Variants in EIF5B observed in about 807,000 individuals in gnomAD.
EIF5B encodes the protein eIF-5B.
A neutral mutation model predicts 147.5 loss-of-function variants in EIF5B; 47 were observed. The observed-to-expected ratio is 0.32, with a 90% CI of 0.25 to 0.41. The LOEUF is 0.41. Among genes scored for constraint, EIF5B ranks in the 10% least tolerant of loss-of-function variants. The pLI is 1.00. For missense variants in EIF5B, 1,064 were observed against 1,413.2 expected, an observed-to-expected ratio of 0.75 and a Z score of 3.96; for synonymous variants, 455 against 456.2, an observed-to-expected ratio of 1.00 and a Z score of 0.03.
Position 99,337,430 on chromosome 2 carries a change from G to T in EIF5B, c.-125G>T, listed in dbSNP as rs1574913149. Reference sequence around the variant, plus strand: ...GTTCCAGTGCGCGGGTCTGTGGAGAGCCGGGTGCGAGCGGCGGCAGCACGA... The same window carrying T: ...GTTCCAGTGCGCGGGTCTGTGGAGATCCGGGTGCGAGCGGCGGCAGCACGA... On this transcript the variant is annotated 5_prime_UTR_variant, in exon 1 of 24. Transcript: ENST00000289371. 3 of 1,231,842 alleles carry T rather than the reference G, an allele frequency of 2.4e-6. No individual in the cohort carries two copies. The East Asian group carries it at 7.6e-5, about 31-fold the overall frequency. The allele number at this position is 1,231,842 out of a possible 1,614,324, so 76.3% of individuals were successfully genotyped here. A position where few individuals can be genotyped will look rare whatever the true frequency, so the allele number is the denominator to read the frequency against.
At chr2:99,379,521 C>A in intron 12 of EIF5B, 93 bp downstream of exon 12, 1 of 927,244 alleles carries the variant, frequency 1.1e-6, no homozygotes, top group Non-Finnish European at 1.6e-6. Flanking sequence ...ACTAGGATAA[C>A]AGCTCCATAT....
At chr2:99,345,991 G>T (rs7569805) in intron 1 of EIF5B, among the ~76,000 whole-genome samples, 125,910 of 151,252 alleles carry the variant, frequency 0.83, 52,983 homozygotes, top group Middle Eastern at 0.98. Context: ...AAGGGAGTTT[G>T]CTGTTCTCAA....
rs892301944 is a variant in EIF5B, at chr2:99,393,112, A to C, written c.2880+14A>C. 4 of 1,511,764 alleles carry C rather than the reference A, an allele frequency of 2.6e-6. No homozygotes were observed. Among genetic ancestry groups the C allele is most frequent in the Admixed American group, 4.5e-5 (2 of 44,844 alleles). 93.6% of individuals were successfully genotyped at this position (1,511,764 alleles called of 1,614,324 possible). A position where few individuals can be genotyped will look rare whatever the true frequency, so the allele number is the denominator to read the frequency against. On this transcript the variant is annotated intron_variant, in intron 18 of 23. Coordinates refer to ENST00000289371, the MANE Select transcript of EIF5B (RefSeq NM_015904.4). ...CCTGTTCTTAAAGTAAGTTCATTTA[A>C]AAATTTTTTTCCTTAAAAGCTATTT...
At chr2:99,344,306 C>T (rs916919094) in intron 1 of EIF5B, among the ~76,000 whole-genome samples, 2 of 152,134 alleles carry the variant, frequency 1.3e-5, no homozygotes, top group African/African-American at 4.8e-5. Context: ...GTTCTGGCAC[C>T]CTTGTCAGAT....
At position 99,369,437 on chromosome 2, in the gene EIF5B, A is replaced by G. The variant is rs1674396160; in HGVS notation, c.1433A>G (p.Gln478Arg). The G allele has an allele frequency of 1.2e-6, 2 of 1,611,324 alleles. No individual in the cohort carries two copies. The highest frequency in any genetic ancestry group is 3.3e-5 in the Admixed American group (2 of 59,944). Residue 478 changes from glutamine (Q) to arginine (R), a missense_variant, in exon 8 of 24, where the codon CAA becomes CGA. By Grantham distance (43) the Gln-to-Arg change is conservative. Around this residue, in one of 4 missense-constraint regions of EIF5B, gnomAD observed 195 missense variants for 186.3 expected, o/e 1.05. Coordinates refer to ENST00000289371, the MANE Select transcript of EIF5B (RefSeq NM_015904.4). ...TGTGCTGCTGTAGAAGTTATGGAAC[A>G]AGGAGTACCAGAAAAGGAAGAGACA... ...ELCAAVEVME[Q>R]GVPEKEETPP...
chr2:99,382,304 A>T lies in EIF5B; in HGVS notation c.2129+78A>T, dbSNP rs1040264023. On this transcript the variant is annotated intron_variant, in intron 13 of 23. Transcript: ENST00000289371. ...GTCTAAAAGTTCAGCAGAGTCATTA[A>T]CCTTTGAGTAGTAATTTGATCTCTA... 6.8e-5 allele frequency: 83 copies of T among 1,213,350 alleles called. No homozygotes were observed. The African/African-American group carries it at 1.1e-3, about 16-fold the overall frequency. The allele number at this position is 1,213,350 out of a possible 1,614,324, so 75.2% of individuals were successfully genotyped here.
chr2:99,345,802 G>A (rs540930617), intron 1 of EIF5B, among the ~76,000 whole-genome samples: 1 of 152,030 alleles, frequency 6.6e-6, no homozygotes, highest in African/African-American at 2.4e-5. Flanking sequence ...AAATAGCTGA[G>A]TGTGGTGGTG....
chr2:99,381,522 T>TGG (rs1425021925), intron 12 of EIF5B, among the ~76,000 whole-genome samples: 2 of 150,090 alleles, frequency 1.3e-5, no homozygotes, highest in East Asian at 3.9e-4. Context: ...AAAGGGGGTG[T>TGG]GTGTGTGTGT....
chr2:99,397,537 G>C (rs935083727), intron 22 of EIF5B: 4 of 152,148 alleles, frequency 2.6e-5, no homozygotes, highest in Non-Finnish European at 4.4e-5. Flanking sequence ...CCTCCATTTG[G>C]ATTTATCTGT....
intron 1 of EIF5B, among the ~76,000 whole-genome samples, chr2:99,355,805 G>T (rs1674085597): frequency 1.3e-5 from 2 of 151,934 alleles, no homozygotes; most frequent in African/African-American, 2.4e-5. Context: ...TAGAGACAGG[G>T]TTTCACCATG....
chr2:99,386,304 T>C (rs1016431194), intron 14 of EIF5B, among the ~76,000 whole-genome samples: 61 of 152,212 alleles, frequency 4.0e-4, no homozygotes, highest in African/African-American at 1.3e-3. Flanking sequence ...CTTTGAAAAA[T>C]ATGTTCAAAA....
chr2:99,341,667 G>A (rs1180912672), intron 1 of EIF5B, among the ~76,000 whole-genome samples: 1 of 152,068 alleles, frequency 6.6e-6, no homozygotes, highest in Non-Finnish European at 1.5e-5. Flanking sequence ...AGGCTTCTGT[G>A]TATGTAGGTT....
At chr2:99,392,894 ATTCTC>A (rs1190041666) in intron 17 of EIF5B, 68 bp from the exon 18 acceptor site, 1 of 1,280,012 alleles carries the variant, frequency 7.8e-7, no homozygotes, top group Non-Finnish European at 1.0e-6. Flanking sequence ...TCATGATGAG[ATTCTC>A]TTATATCATC....
At chr2:99,377,807 A>G (rs990862064) in intron 10 of EIF5B, among the ~76,000 whole-genome samples, 4 of 152,154 alleles carry the variant, frequency 2.6e-5, no homozygotes, top group African/African-American at 9.7e-5. Context: ...AACAAACTTC[A>G]TGGATCCATA....
chr2:99,340,833 G>T (rs577362408), intron 1 of EIF5B: 37 of 151,854 alleles, frequency 2.4e-4, no homozygotes, highest in African/African-American at 8.5e-4. Context: ...ACAGTGGCGC[G>T]ATCTCCACTC....
At chr2:99,355,457 A>G (rs995339978) in intron 1 of EIF5B, among the ~76,000 whole-genome samples, 1 of 151,390 alleles carries the variant, frequency 6.6e-6, no homozygotes, top group Admixed American at 6.6e-5. Flanking sequence ...CAAGTCTTGG[A>G]TTTCTTTCAT....
intron 9 of EIF5B, among the ~76,000 whole-genome samples, chr2:99,372,496 G>A (rs1674474063): frequency 1.3e-5 from 2 of 152,062 alleles, no homozygotes; most frequent in African/African-American, 4.8e-5. Flanking sequence ...GCGCCACCAC[G>A]CCCAGCTAAT....
intron 4 of EIF5B, among the ~76,000 whole-genome samples, chr2:99,363,086 A>G (rs1386680556): frequency 6.6e-6 from 1 of 152,094 alleles, no homozygotes; most frequent in Non-Finnish European, 1.5e-5. Flanking sequence ...CATATTTATT[A>G]TCTGGATATA....
At chr2:99,378,954 AAAT>A in intron 10 of EIF5B, 62 bp from the exon 11 acceptor site, 1 of 1,294,170 alleles carries the variant, frequency 7.7e-7, no homozygotes, top group Non-Finnish European at 1.0e-6. Context: ...GCAAAACAGA[AAAT>A]AAGGATAGTG....
Sources: gnomAD v4.1 joint callset for allele counts (sites outside exome capture counted in the v4.1 genomes callset) on GRCh38, gnomAD v4.1.1 for gene constraint, gnomAD v4.1.1 regional missense constraint, MANE v1.5 for transcripts, NCBI Gene and HGNC (gene_info 2026-07-23, HGNC 2026-07-21) for gene names.